The following DYNC2LI1 variants were observed in gnomAD, a reference collection of about 807,000 sequenced individuals.
DYNC2LI1 encodes the protein dynein cytoplasmic 2 light intermediate chain 1, also known as cytoplasmic dynein 2 light intermediate chain 1.
Under a neutral mutation model 51.9 loss-of-function variants are expected in DYNC2LI1, and 45 were observed. The ratio of observed to expected loss-of-function variants is 0.87; its 90% CI spans 0.68 to 1.11. DYNC2LI1 has a LOEUF of 1.11. Ranked by LOEUF, DYNC2LI1 falls within the 50% of genes most tolerant of loss-of-function variation. The pLI is 0.00. For missense variants in DYNC2LI1, 490 were observed against 417.4 expected (o/e 1.17, Z -1.51); for synonymous variants, 130 against 137.8 (o/e 0.94, Z 0.40).
chr2:43,791,452 TACCTCATTTGTG>T (rs1297259850), intron 5 of DYNC2LI1, among the ~76,000 whole-genome samples: 77 of 152,270 alleles, frequency 5.1e-4, no homozygotes, highest in African/African-American at 1.8e-3. Context: ...CAAGGGTTAA[TACCTCATTTGTG>T]AGGTCTTGGG....
the DYNC2LI1 span, chr2:43,826,636 CGG>C: frequency 2.7e-6 from 4 of 1,489,444 alleles, no homozygotes; most frequent in Middle Eastern, 2.0e-4. Context: ...AAACAGTGTG[CGG>C]TGGGAAGTAA....
At chr2:43,798,352 G>A (rs1665959304) in intron 8 of DYNC2LI1, among the ~76,000 whole-genome samples, 1 of 152,010 alleles carries the variant, frequency 6.6e-6, no homozygotes, top group Admixed American at 6.6e-5. Context: ...TGTTTGAATC[G>A]TATTTGCTTA....
chr2:43,826,251 C>T, the DYNC2LI1 span: 1 of 1,390,876 alleles, frequency 7.2e-7, no homozygotes, highest in Non-Finnish European at 1.0e-6. Flanking sequence ...CCTCCTGCCT[C>T]AGCCTCCCAA....
At chr2:43,793,509 C>G (rs565539743) in intron 5 of DYNC2LI1, 4 of 152,142 alleles carry the variant, frequency 2.6e-5, no homozygotes, top group African/African-American at 9.6e-5. Context: ...AATAGCTAGC[C>G]TAATGGATAG....
At chr2:43,795,798 T>C (rs1674008129) in intron 6 of DYNC2LI1, 92 bp from the exon 7 acceptor site, 2 of 974,542 alleles carry the variant, frequency 2.1e-6, no homozygotes, top group South Asian at 1.3e-5. Context: ...ATGAAGAGAC[T>C]GAAAATGGAA....
At chr2:43,792,670 C>G in intron 5 of DYNC2LI1, 1 of 1,540,928 alleles carries the variant, frequency 6.5e-7, no homozygotes, top group Non-Finnish European at 8.7e-7. Flanking sequence ...GTTTTTCCTT[C>G]CCCAGCTCCT....
At chr2:43,796,356 A>G (rs1355897302) in intron 7 of DYNC2LI1, among the ~76,000 whole-genome samples, 2 of 151,800 alleles carry the variant, frequency 1.3e-5, no homozygotes, top group Non-Finnish European at 2.9e-5. Context: ...AAAAGTCTTC[A>G]ACCCAGTCAC....
At chr2:43,784,542 C>T (rs1572699469) in intron 3 of DYNC2LI1, among the ~76,000 whole-genome samples, 2 of 152,004 alleles carry the variant, frequency 1.3e-5, no homozygotes, top group South Asian at 2.1e-4. Context: ...TGGGTTCAAG[C>T]GATTCTCCTG....
intron 3 of DYNC2LI1, among the ~76,000 whole-genome samples, chr2:43,786,547 C>G (rs1208506046): frequency 6.6e-6 from 1 of 152,006 alleles, no homozygotes; most frequent in Non-Finnish European, 1.5e-5. Context: ...GAGTATAAAC[C>G]CAGTGTCACT....
At chr2:43,809,049 C>T (rs981315176) in intron 12 of DYNC2LI1, among the ~76,000 whole-genome samples, 4 of 151,958 alleles carry the variant, frequency 2.6e-5, no homozygotes, top group Non-Finnish European at 4.4e-5. Flanking sequence ...AGTGCAGTGG[C>T]GCAATCACAG....
chr2:43,821,891 C>A, the DYNC2LI1 span, among the ~76,000 whole-genome samples: 37 of 152,192 alleles, frequency 2.4e-4, no homozygotes, highest in African/African-American at 8.7e-4. Flanking sequence ...TCTCTTCCCG[C>A]ACCCCATCTT....
At chr2:43,795,999 T>C in intron 7 of DYNC2LI1, 41 bp downstream of exon 7, 2 of 1,403,192 alleles carry the variant, frequency 1.4e-6, no homozygotes, top group Non-Finnish European at 2.0e-6. Context: ...TGTACATATA[T>C]GGCTGTGCTT....
At chr2:43,775,390 A>G (rs1278367380) in intron 1 of DYNC2LI1, among the ~76,000 whole-genome samples, 2 of 152,156 alleles carry the variant, frequency 1.3e-5, no homozygotes, top group Non-Finnish European at 2.9e-5. Flanking sequence ...TAATTAATAT[A>G]TATATGATTT....
chr2:43,811,538 G>A (rs559899495), downstream of DYNC2LI1, among the ~76,000 whole-genome samples: 34 of 152,098 alleles, frequency 2.2e-4, no homozygotes, highest in South Asian at 7.1e-3. Context: ...TTCATTTCAG[G>A]TTTGTACATG....
intron 10 of DYNC2LI1, among the ~76,000 whole-genome samples, chr2:43,802,208 C>A (rs1666098212): frequency 6.6e-6 from 1 of 152,070 alleles, no homozygotes; most frequent in Admixed American, 6.5e-5. Context: ...TTCCTAAACT[C>A]ATAGACTCTA....
At chr2:43,819,530 T>G in the DYNC2LI1 span, among the ~76,000 whole-genome samples, 242 of 152,030 alleles carry the variant, frequency 1.6e-3, 3 homozygotes, top group Admixed American at 9.9e-3. Context: ...TAACTGGGAA[T>G]TGAGAACTGC....
At chr2:43,816,404 G>T in the DYNC2LI1 span, among the ~76,000 whole-genome samples, 25 of 151,888 alleles carry the variant, frequency 1.6e-4, no homozygotes, top group African/African-American at 6.0e-4. Context: ...CTAGCCTTGG[G>T]AACAACCAAC....
chr2:43,790,077 G>A (rs1042596920), intron 5 of DYNC2LI1, among the ~76,000 whole-genome samples: 1 of 152,044 alleles, frequency 6.6e-6, no homozygotes, highest in Admixed American at 6.5e-5. Context: ...GAGTTAATTC[G>A]GCTCTGAGTT....
chr2:43,802,909 A>C (rs1666121165), intron 10 of DYNC2LI1, among the ~76,000 whole-genome samples: 1 of 152,212 alleles, frequency 6.6e-6, no homozygotes, highest in Admixed American at 6.5e-5. Flanking sequence ...AAAGCAGCAC[A>C]TGAAAAGGTG....
Sources: allele counts gnomAD v4.1 joint callset (sites outside exome capture counted in the v4.1 genomes callset), GRCh38; gene constraint gnomAD v4.1.1; transcripts MANE v1.5; gene names NCBI Gene and HGNC (gene_info 2026-07-23, HGNC 2026-07-21).